GALNT18: variants seen among roughly 807,000 people sequenced by gnomAD.
The protein encoded by GALNT18 is GalNAc-transferase 18.
In GALNT18, 44 loss-of-function variants were observed where a neutral mutation model predicts 69.5. The ratio of observed to expected loss-of-function variants is 0.63; its 90% CI spans 0.50 to 0.81. The LOEUF is 0.81. Among genes scored for constraint, GALNT18 ranks in the 40% least tolerant of loss-of-function variants. The pLI is 0.00. For synonymous variants in GALNT18, 364 were observed against 318.2 expected, an observed-to-expected ratio of 1.14 and a Z score of -1.53; for missense variants, 715 against 810.0, an observed-to-expected ratio of 0.88 and a Z score of 1.42.
chr11:11,435,187 C>T lies in GALNT18; in HGVS notation c.429-2400G>A, dbSNP rs1003509853. Among the ~76,000 whole-genome samples the T allele has an allele frequency of 4.6e-5, 7 of 152,192 alleles. No individual in the cohort carries two copies. Among genetic ancestry groups the T allele is most frequent in the African/African-American group, 9.7e-5 (4 of 41,436 alleles). On this transcript the variant is annotated intron_variant, in intron 2 of 10. Coordinates refer to ENST00000227756, the MANE Select transcript of GALNT18 (RefSeq NM_198516.3). The surrounding 1 kb of genome is among the most constrained non-coding windows in gnomAD (Gnocchi z 4.4). The stretch of plus-strand genomic sequence containing the variant: ...GCACTTCCCCACGGGGTCTGCACTG[C>T]GTTCCCAGAGCCTCAGTATCCAAAT...
chr11:11,360,572 T>C (rs929588737), intron 6 of GALNT18, among the ~76,000 whole-genome samples: 1 of 152,208 alleles, frequency 6.6e-6, no homozygotes, highest in African/African-American at 2.4e-5. Context: ...CTTTTTTGCA[T>C]TGATTTTACA....
chr11:11,591,653 C>T lies in GALNT18; in HGVS notation c.235+29706G>A, dbSNP rs1243657419. 6.6e-6 allele frequency among the ~76,000 whole-genome samples: 1 copy of T among 152,174 alleles called. No homozygotes were observed. The highest frequency in any genetic ancestry group is 1.5e-5 in the Non-Finnish European group (1 of 68,024). On this transcript the variant is annotated intron_variant, in intron 1 of 10. Transcript: ENST00000227756. This position sits in a 1 kb window ranked among gnomAD's most constrained non-coding sequence, Gnocchi z 4.8. Reference sequence around the variant, plus strand: ...AAACAACTTTATGGAAATGCTCCCTCCTGGGTGAATGTATGTGGTTAAAGG... The same window carrying T: ...AAACAACTTTATGGAAATGCTCCCTTCTGGGTGAATGTATGTGGTTAAAGG...
chr11:11,608,724 T>C (rs1172648617), intron 1 of GALNT18, among the ~76,000 whole-genome samples: 1 of 152,156 alleles, frequency 6.6e-6, no homozygotes, highest in Non-Finnish European at 1.5e-5. Context: ...TTGCCCAAGG[T>C]CACCCAAACT....
intron 3 of GALNT18, among the ~76,000 whole-genome samples, chr11:11,379,756 T>A (rs1452885072): frequency 6.6e-6 from 1 of 152,190 alleles, no homozygotes; most frequent in Non-Finnish European, 1.5e-5. Flanking sequence ...CAGGATCCGC[T>A]CTCTGCCTGG....
intron 1 of GALNT18, among the ~76,000 whole-genome samples, chr11:11,531,607 T>C (rs1363466437): frequency 1.3e-5 from 2 of 152,186 alleles, no homozygotes; most frequent in Non-Finnish European, 2.9e-5. Flanking sequence ...AGGGTATTTC[T>C]TCCCCTCCTG....
rs1855306723 is a variant in GALNT18 at position 11,432,843 on chromosome 11, G to A, written c.429-56C>T. Reference sequence around the variant, plus strand: ...TGACTCAGCTGGAGTCATCTCAGGAGCTGACCCAGCCCATGTCCTGGCTCC... The same window carrying A: ...TGACTCAGCTGGAGTCATCTCAGGAACTGACCCAGCCCATGTCCTGGCTCC... On this transcript the variant is annotated intron_variant, in intron 2 of 10. Transcript: ENST00000227756. This position sits in a 1 kb window ranked among gnomAD's most constrained non-coding sequence, Gnocchi z 5.8. 11 of 1,560,782 alleles carry A rather than the reference G, an allele frequency of 7.0e-6. No individual in the cohort carries two copies. The East Asian group carries it at 2.5e-4, about 35-fold the overall frequency.
chr11:11,313,216 G>A (rs1157162372), intron 9 of GALNT18, among the ~76,000 whole-genome samples: 1 of 152,130 alleles, frequency 6.6e-6, no homozygotes, highest in African/African-American at 2.4e-5. Flanking sequence ...ATTCCTCAGA[G>A]AAAGTGGAGA....
chr11:11,473,435 G>C (rs1856317226), intron 1 of GALNT18, among the ~76,000 whole-genome samples: 1 of 152,118 alleles, frequency 6.6e-6, no homozygotes, highest in African/African-American at 2.4e-5. Flanking sequence ...CAACATAAAG[G>C]TGTCTTAGTT....
intron 10 of GALNT18, among the ~76,000 whole-genome samples, chr11:11,289,207 TATCG>T (rs1475149662): frequency 6.6e-6 from 1 of 152,200 alleles, no homozygotes; most frequent in African/African-American, 2.4e-5. Flanking sequence ...ACCTGATAAA[TATCG>T]ATCATTTTGC....
chr11:11,318,345 T>TGTCC lies in GALNT18; in HGVS notation c.1512+8740_1512+8741insGGAC. On this transcript the variant is annotated intron_variant, in intron 9 of 10. Transcript: ENST00000227756. The surrounding 1 kb of genome is among the most constrained non-coding windows in gnomAD (Gnocchi z 5.1). ...TGCATGAGGTCACACAGAAGTAGAA[T>TGTCC]GGACCCTTAATCCAACATGAGTAGT... is the stretch of plus-strand genomic sequence containing the variant. Among the ~76,000 whole-genome samples, 1 of 152,320 alleles carries TGTCC rather than the reference T, an allele frequency of 6.6e-6. No individual in the cohort carries two copies. Among genetic ancestry groups the TGTCC allele is most frequent in the East Asian group, 1.9e-4 (1 of 5,180 alleles).
intron 10 of GALNT18, among the ~76,000 whole-genome samples, chr11:11,289,397 G>C (rs549321898): frequency 6.6e-6 from 1 of 152,174 alleles, no homozygotes; most frequent in Non-Finnish European, 1.5e-5. Flanking sequence ...ATGCCAAAGT[G>C]GCTGAAAACT....
intron 3 of GALNT18, among the ~76,000 whole-genome samples, chr11:11,388,949 C>T (rs1854116655): frequency 6.6e-6 from 1 of 152,168 alleles, no homozygotes; most frequent in Non-Finnish European, 1.5e-5. Flanking sequence ...TCTCAGCAAC[C>T]ATAATGCTAC....
chr11:11,609,544 A>T (rs1859841771), intron 1 of GALNT18, among the ~76,000 whole-genome samples: 1 of 152,206 alleles, frequency 6.6e-6, no homozygotes, highest in Non-Finnish European at 1.5e-5. Context: ...GTGCTCAATA[A>T]ACGCTTGTTC....
chr11:11,465,136 C>T lies in GALNT18; in HGVS notation c.236-16200G>A, dbSNP rs1294957232. ...AGAGAATACAGATCCCACTGGTAAC[C>T]TGGGCGAGGTGCCTTGGGATGCCTG... is the stretch of plus-strand genomic sequence containing the variant. On this transcript the variant is annotated intron_variant, in intron 1 of 10. Transcript: ENST00000227756. The surrounding 1 kb of genome is among the most constrained non-coding windows in gnomAD (Gnocchi z 5.7). Among the ~76,000 whole-genome samples the T allele has an allele frequency of 9.9e-5, 15 of 152,186 alleles. 1 individual carries two copies. Among genetic ancestry groups the T allele is most frequent in the Admixed American group, 7.9e-4 (12 of 15,272 alleles).
chr11:11,570,415 T>C (rs932293319), intron 1 of GALNT18, among the ~76,000 whole-genome samples: 1 of 152,224 alleles, frequency 6.6e-6, no homozygotes, highest in African/African-American at 2.4e-5. Context: ...TGATCTAGCC[T>C]CTGCGCACGA....
chr11:11,526,249 A>G (rs1332818335), intron 1 of GALNT18, among the ~76,000 whole-genome samples: 1 of 151,980 alleles, frequency 6.6e-6, no homozygotes, highest in South Asian at 2.1e-4. Flanking sequence ...TCCATGTAAC[A>G]ATTTCCCGCA....
chr11:11,290,035 G>A (rs927260139), intron 10 of GALNT18, among the ~76,000 whole-genome samples: 17 of 152,200 alleles, frequency 1.1e-4, no homozygotes, highest in African/African-American at 3.6e-4. Context: ...TGGCTGGGCT[G>A]TGGCCTCCAG....
At position 11,368,423 on chromosome 11, in the gene GALNT18, C is replaced by T. The variant is rs1850820904; in HGVS notation, c.1092+4092G>A. On this transcript the variant is annotated intron_variant, in intron 6 of 10. Transcript: ENST00000227756. ...TTTGCCTAACCCTCCATACTGTTTT[C>T]TCAGAAAATAGAAATCCTCTCTGGA... 2.0e-5 allele frequency among the ~76,000 whole-genome samples: 3 copies of T among 152,166 alleles called. No individual in the cohort carries two copies. The South Asian group carries it at 6.2e-4, about 32-fold the overall frequency.
intron 1 of GALNT18, among the ~76,000 whole-genome samples, chr11:11,547,549 C>T (rs1858087264): frequency 6.6e-6 from 1 of 152,214 alleles, no homozygotes; most frequent in Non-Finnish European, 1.5e-5. Flanking sequence ...CCCCGGTCAT[C>T]CAGGCTGCAG....
Sources: allele counts gnomAD v4.1 joint callset (sites outside exome capture counted in the v4.1 genomes callset), GRCh38; gene constraint gnomAD v4.1.1; non-coding constraint Gnocchi (gnomAD v3.1); transcripts MANE v1.5; gene names NCBI Gene and HGNC (gene_info 2026-07-23, HGNC 2026-07-21).